The following DPP6 variants were observed in gnomAD, a reference collection of about 807,000 sequenced individuals.
The protein encoded by DPP6 is A-type potassium channel modulatory protein DPP6.
A neutral mutation model predicts 122.6 loss-of-function variants in DPP6; 69 were observed. That is an observed-to-expected ratio of 0.56 (90% CI 0.46 to 0.69). DPP6 has a LOEUF of 0.69. DPP6 is among the 30% of genes least tolerant of loss of function. DPP6 has a pLI of 0.00. For missense variants in DPP6, 928 were observed against 1,116.9 expected (o/e 0.83, Z 2.41); for synonymous variants, 418 against 433.1 (o/e 0.97, Z 0.43).
At chr7:154,654,224 A>G (rs1344034933) in intron 6 of DPP6, among the ~76,000 whole-genome samples, 2 of 152,004 alleles carry the variant, frequency 1.3e-5, no homozygotes, top group Non-Finnish European at 2.9e-5. Context: ...GGTGTCCCGG[A>G]ACCAATCTTC....
At chr7:154,811,891 C>T (rs779166793) in intron 16 of DPP6, among the ~76,000 whole-genome samples, 39 of 152,112 alleles carry the variant, frequency 2.6e-4, no homozygotes, top group Non-Finnish European at 3.1e-4. Context: ...CCTCCTGCAG[C>T]ATTTTGTTAT....
At chr7:154,577,615 A>C (rs2130640913) in intron 5 of DPP6, among the ~76,000 whole-genome samples, 1 of 152,282 alleles carries the variant, frequency 6.6e-6, no homozygotes, top group Non-Finnish European at 1.5e-5. Context: ...ACATGCCTGT[A>C]ATTGGTAAGA....
intron 1 of DPP6, among the ~76,000 whole-genome samples, chr7:154,261,820 C>G (rs1803040445): frequency 6.6e-6 from 1 of 152,164 alleles, no homozygotes; most frequent in Non-Finnish European, 1.5e-5. Context: ...CAGGGAAATG[C>G]AAATCAAAAC....
At chr7:153,863,325 G>A in the DPP6 span, among the ~76,000 whole-genome samples, 23 of 152,014 alleles carry the variant, frequency 1.5e-4, no homozygotes, top group South Asian at 4.2e-4. Flanking sequence ...TTCTTTATCC[G>A]GTCTATCATT....
chr7:154,213,187 G>A (rs1455834028), intron 1 of DPP6, among the ~76,000 whole-genome samples: 1 of 152,188 alleles, frequency 6.6e-6, no homozygotes, highest in African/African-American at 2.4e-5. Flanking sequence ...ACGTAATCCA[G>A]ACCTGCAGCT....
chr7:154,140,259 T>A (rs573578453), intron 1 of DPP6, among the ~76,000 whole-genome samples: 10 of 152,278 alleles, frequency 6.6e-5, no homozygotes, highest in Non-Finnish European at 1.2e-4. Context: ...ACAACCATGA[T>A]TCTGTTTGCA....
intron 5 of DPP6, among the ~76,000 whole-genome samples, chr7:154,626,147 C>T (rs1371928534): frequency 6.6e-6 from 1 of 151,944 alleles, no homozygotes; most frequent in Admixed American, 6.6e-5. Flanking sequence ...TGGGTTTCTT[C>T]CTTTGAATTT....
At position 154,821,410 on chromosome 7, in the gene DPP6, A is replaced by G. The variant is rs1444785458; in HGVS notation, c.1666+14298A>G. Among the ~76,000 whole-genome samples, 1 of 151,998 alleles carries G rather than the reference A, an allele frequency of 6.6e-6. No homozygotes were observed. The highest frequency in any genetic ancestry group is 6.6e-5 in the Admixed American group (1 of 15,246). On this transcript the variant is annotated intron_variant, in intron 16 of 25. Coordinates refer to ENST00000377770, the MANE Select transcript of DPP6 (RefSeq NM_130797.4). The surrounding 1 kb of genome is among the most constrained non-coding windows in gnomAD (Gnocchi z 4.2). ...CTAGATCCAACATGGATAGACAGAT[A>G]ATAGATGAGAGGGAAATGACTGACC... is the stretch of plus-strand genomic sequence containing the variant.
intron 6 of DPP6, among the ~76,000 whole-genome samples, chr7:154,653,818 G>A (rs1837043664): frequency 6.6e-6 from 1 of 152,018 alleles, no homozygotes; most frequent in Non-Finnish European, 1.5e-5. Context: ...GTTGAGCACT[G>A]ATCTTGATAT....
intron 3 of DPP6, among the ~76,000 whole-genome samples, chr7:154,520,818 T>TA (rs1163557958): frequency 1.8e-4 from 27 of 152,120 alleles, no homozygotes; most frequent in Non-Finnish European, 3.2e-4. Context: ...GTCTACAACT[T>TA]ACAGAGTCAC....
intron 1 of DPP6, among the ~76,000 whole-genome samples, chr7:153,947,370 C>G (rs1346532191): frequency 6.6e-6 from 1 of 152,110 alleles, no homozygotes; most frequent in Non-Finnish European, 1.5e-5. Context: ...GGCCTGTCTT[C>G]TCGGCTTGTA....
chr7:154,498,218 G>A (rs906026006), intron 3 of DPP6, among the ~76,000 whole-genome samples: 12 of 152,222 alleles, frequency 7.9e-5, no homozygotes, highest in African/African-American at 1.9e-4. Flanking sequence ...AAAGAAAGGA[G>A]AGTGAGGTAC....
intron 1 of DPP6, among the ~76,000 whole-genome samples, chr7:153,921,479 A>C (rs1338476617): frequency 6.6e-6 from 1 of 152,248 alleles, no homozygotes; most frequent in Non-Finnish European, 1.5e-5. Context: ...CATAACTCAT[A>C]ACATTTTTGA....
intron 11 of DPP6, among the ~76,000 whole-genome samples, chr7:154,794,695 G>A (rs1797911947): frequency 6.6e-6 from 1 of 151,634 alleles, no homozygotes; most frequent in Non-Finnish European, 1.5e-5. Context: ...GAAGGTAAAC[G>A]TAGGGGAAAG....
At chr7:154,523,198 C>T (rs1776544596) in intron 3 of DPP6, among the ~76,000 whole-genome samples, 1 of 152,160 alleles carries the variant, frequency 6.6e-6, no homozygotes, top group Non-Finnish European at 1.5e-5. Flanking sequence ...GAAGACATTA[C>T]TGTGGTCTTT....
intron 5 of DPP6, among the ~76,000 whole-genome samples, chr7:154,613,446 C>G (rs1834030521): frequency 6.6e-6 from 1 of 151,356 alleles, no homozygotes; most frequent in South Asian, 2.1e-4. Flanking sequence ...ATGGTGAAAC[C>G]CCGTCTCTAC....
At chr7:154,263,978 A>G (rs1051690824) in intron 1 of DPP6, among the ~76,000 whole-genome samples, 3 of 152,168 alleles carry the variant, frequency 2.0e-5, no homozygotes, top group African/African-American at 7.2e-5. Context: ...GGCGTGAGCC[A>G]CTGCACCCAA....
intron 1 of DPP6, among the ~76,000 whole-genome samples, chr7:153,953,584 G>A (rs115786361): frequency 1.7e-3 from 265 of 152,204 alleles, no homozygotes; most frequent in African/African-American, 5.8e-3. Flanking sequence ...TGGGCAAGTC[G>A]GTGATCTGTC....
intron 16 of DPP6, among the ~76,000 whole-genome samples, chr7:154,810,668 C>T (rs1439638328): frequency 6.6e-6 from 1 of 152,026 alleles, no homozygotes; most frequent in Non-Finnish European, 1.5e-5. Flanking sequence ...ACGACTGACC[C>T]AGCCCCCAGG....
Sources: allele counts gnomAD v4.1 joint callset (sites outside exome capture counted in the v4.1 genomes callset), GRCh38; gene constraint gnomAD v4.1.1; non-coding constraint Gnocchi (gnomAD v3.1); transcripts MANE v1.5; gene names NCBI Gene and HGNC (gene_info 2026-07-23, HGNC 2026-07-21).